The following SULF2 variants were observed in gnomAD, a reference collection of about 807,000 sequenced individuals.
The protein encoded by SULF2 is extracellular sulfatase Sulf-2.
A neutral mutation model predicts 107.7 loss-of-function variants in SULF2; 52 were observed. That is an observed-to-expected ratio of 0.48 (90% CI 0.39 to 0.61). SULF2 has a LOEUF of 0.61. Ranked by LOEUF, SULF2 falls within the 20% of genes least tolerant of loss-of-function variation. The pLI, the probability that SULF2 is intolerant of heterozygous loss-of-function variation, is 0.00. For synonymous variants in SULF2, 460 were observed against 464.3 expected, an observed-to-expected ratio of 0.99 and a Z score of 0.12; for missense variants, 993 against 1,177.3, an observed-to-expected ratio of 0.84 and a Z score of 2.29.
chr20:47,684,654 G>A (rs891065822), intron 5 of SULF2, 73 bp from the exon 6 acceptor site: 51 of 1,502,402 alleles, frequency 3.4e-5, no homozygotes, highest in Non-Finnish European at 1.8e-5. Flanking sequence ...CGCCAGACCC[G>A]CCCGGATGAG....
intron 5 of SULF2, chr20:47,689,921 C>G (rs2088139052): frequency 4.5e-6 from 2 of 441,856 alleles, no homozygotes; most frequent in African/African-American, 4.0e-5. Context: ...GTTAAAAATT[C>G]TCCTGCCTTG....
intron 3 of SULF2, among the ~76,000 whole-genome samples, chr20:47,731,478 T>C (rs2089610471): frequency 6.6e-6 from 1 of 151,998 alleles, no homozygotes; most frequent in Non-Finnish European, 1.5e-5. Flanking sequence ...CAGGCTTCAG[T>C]CACCGTGCCT....
chr20:47,770,546 C>T (rs1226388018), intron 1 of SULF2, among the ~76,000 whole-genome samples: 1 of 152,144 alleles, frequency 6.6e-6, no homozygotes, highest in Non-Finnish European at 1.5e-5. Flanking sequence ...CTGGAATTGG[C>T]TGAATGCTCC....
chr20:47,768,899 T>TTTTTG (rs2090575885), intron 1 of SULF2, among the ~76,000 whole-genome samples: 1 of 143,734 alleles, frequency 7.0e-6, no homozygotes, highest in East Asian at 2.0e-4. Flanking sequence ...TTTTTTTTTT[T>TTTTTG]GAGATGGAGT....
intron 2 of SULF2, among the ~76,000 whole-genome samples, chr20:47,737,747 TTTTCTTTG>T (rs1358748824): frequency 7.3e-6 from 1 of 137,580 alleles, no homozygotes; most frequent in Admixed American, 7.8e-5. Context: ...TGTTTCTTTC[TTTTCTTTG>T]TTTTTTTTTT....
chr20:47,738,305 G>T (rs2089795247), intron 2 of SULF2, among the ~76,000 whole-genome samples: 1 of 152,238 alleles, frequency 6.6e-6, no homozygotes, highest in Non-Finnish European at 1.5e-5. Flanking sequence ...CAGACCCTTA[G>T]TGATTTGATG....
intron 3 of SULF2, among the ~76,000 whole-genome samples, chr20:47,717,815 T>TATTA (rs1241199720): frequency 1.2e-5 from 1 of 80,698 alleles, no homozygotes; most frequent in African/African-American, 4.2e-5. Context: ...CAGAGATAAT[T>TATTA]TTTTTTTTTT....
At chr20:47,716,956 G>A (rs2089141162) in intron 3 of SULF2, among the ~76,000 whole-genome samples, 1 of 152,202 alleles carries the variant, frequency 6.6e-6, no homozygotes, top group South Asian at 2.1e-4. Context: ...GCTGCAATGA[G>A]CTGTGATTGT....
intron 1 of SULF2, among the ~76,000 whole-genome samples, chr20:47,773,734 G>A (rs2090673875): frequency 6.6e-6 from 1 of 152,248 alleles, no homozygotes; most frequent in Admixed American, 6.5e-5. Flanking sequence ...CTTGAACAGA[G>A]TCATTATTCA....
At chr20:47,664,025 A>C in intron 15 of SULF2, 105 bp downstream of exon 15, 8 of 1,210,704 alleles carry the variant, frequency 6.6e-6, no homozygotes, top group Non-Finnish European at 8.2e-6. Context: ...TTCCCAGGGA[A>C]GGGCCTGGAC....
intron 1 of SULF2, among the ~76,000 whole-genome samples, chr20:47,764,762 G>T (rs576668132): frequency 1.3e-5 from 2 of 152,258 alleles, no homozygotes; most frequent in South Asian, 4.1e-4. Context: ...AAGAGAGTCC[G>T]AATTAGGGCT....
At position 47,770,644 on chromosome 20, in the gene SULF2, C is replaced by T. The variant is rs867809650; in HGVS notation, c.-100-13181G>A. Among the ~76,000 whole-genome samples the T allele has an allele frequency of 2.6e-5, 4 of 152,198 alleles. No homozygotes were observed. The South Asian group carries it at 8.3e-4, about 31-fold the overall frequency. On this transcript the variant is annotated intron_variant, in intron 1 of 20. Coordinates refer to ENST00000688720, the MANE Select transcript of SULF2 (RefSeq NM_001387048.1). ...ATTCTCAGAGGCTCCTGATCAGGAA[C>T]TTGCGCAGGACATGGCAGGAAGGGC...
chr20:47,702,391 T>C, intron 4 of SULF2, 128 bp downstream of exon 4: 1 of 1,090,402 alleles, frequency 9.2e-7, no homozygotes, highest in Non-Finnish European at 1.3e-6. Flanking sequence ...GAGGTGTATG[T>C]AAAATGCTCA....
chr20:47,757,397 G>A lies in SULF2; in HGVS notation c.-34C>T. 5 of 1,541,300 alleles carry A rather than the reference G, an allele frequency of 3.2e-6. No homozygotes were observed. The highest frequency in any genetic ancestry group is 4.4e-6 in the Non-Finnish European group (5 of 1,136,878). On this transcript the variant is annotated 5_prime_UTR_variant, in exon 2 of 21. Coordinates refer to ENST00000688720, the MANE Select transcript of SULF2 (RefSeq NM_001387048.1). ...TTTGCTGATCTGGTGCTTCTTTTGGGATGCGGGAGTCTCAAGTTGCGTCTG... is the reference window on the plus strand; with the variant it reads ...TTTGCTGATCTGGTGCTTCTTTTGGAATGCGGGAGTCTCAAGTTGCGTCTG...
At chr20:47,686,838 T>C (rs530204490) in intron 5 of SULF2, among the ~76,000 whole-genome samples, 1 of 152,302 alleles carries the variant, frequency 6.6e-6, no homozygotes, top group Non-Finnish European at 1.5e-5. Context: ...CTCATGCCAC[T>C]GAATCCATCA....
At chr20:47,667,536 G>T (rs425433) in intron 11 of SULF2, among the ~76,000 whole-genome samples, 16,908 of 152,186 alleles carry the variant, frequency 0.11, 1,280 homozygotes, top group Middle Eastern at 0.2. Flanking sequence ...GATGTCTCAC[G>T]GGCCCACAGT....
intron 5 of SULF2, among the ~76,000 whole-genome samples, chr20:47,688,994 G>A (rs1461962670): frequency 6.6e-6 from 1 of 152,220 alleles, no homozygotes; most frequent in Non-Finnish European, 1.5e-5. Context: ...CTGAGGCAGA[G>A]AGAAGCAGGA....
Position 47,663,123 on chromosome 20 carries a change from C to G in SULF2, c.2317G>C (p.Glu773Gln). 1.2e-6 allele frequency: 2 copies of G among 1,614,166 alleles called. No individual in the cohort carries two copies. Among genetic ancestry groups the G allele is most frequent in the Non-Finnish European group, 1.7e-6 (2 of 1,180,030 alleles). The part of the protein sequence containing the change: ...INETHNFLFC[E>Q]FATGFLEYFD... ...TACTCTAGGAAGCCAGTTGCAAATT[C>G]ACAGAAGAGGAAATTGTGAGTCTCA... is the stretch of plus-strand genomic sequence containing the variant. Residue 773 changes from glutamate to glutamine, a missense_variant, in exon 17 of 21, where the codon GAA (glutamate) becomes CAA (glutamine). By Grantham distance (29) the Glu-to-Gln change is conservative. This residue lies in a region of SULF2 where 497 missense variants were observed against 544.1 expected (regional missense o/e 0.91). Transcript: ENST00000688720.
At position 47,678,534 on chromosome 20, in the gene SULF2, G is replaced by A. The variant is rs1412276902; in HGVS notation, c.1193+142C>T. On this transcript the variant is annotated intron_variant, in intron 8 of 20. Transcript: ENST00000688720. This position sits in a 1 kb window ranked among gnomAD's most constrained non-coding sequence, Gnocchi z 4.5. The stretch of plus-strand genomic sequence containing the variant: ...GGACCATGCTTCTCTCCCACAGCAG[G>A]TAAGTGGTTGGCATGGCGGGACCTG... The A allele has an allele frequency of 2.5e-6, 2 of 794,708 alleles. No individual in the cohort carries two copies. The highest frequency in any genetic ancestry group is 3.8e-6 in the Non-Finnish European group (2 of 522,784). The allele number at this position is 794,708 out of a possible 1,614,324, so 49.2% of individuals were successfully genotyped here.
Sources: allele counts gnomAD v4.1 joint callset (sites outside exome capture counted in the v4.1 genomes callset), GRCh38; gene constraint gnomAD v4.1.1; regional missense constraint gnomAD v4.1.1; non-coding constraint Gnocchi (gnomAD v3.1); transcripts MANE v1.5; gene names NCBI Gene and HGNC (gene_info 2026-07-23, HGNC 2026-07-21).